ULK4: variants seen among roughly 807,000 people sequenced by gnomAD.
ULK4 encodes the protein inactive serine/threonine-protein kinase ULK4.
Under a neutral mutation model 160.6 loss-of-function variants are expected in ULK4, and 133 were observed. The observed-to-expected ratio is 0.83, with a 90% CI of 0.72 to 0.96. The LOEUF (loss-of-function observed/expected upper bound fraction) is 0.96. Ranked by LOEUF, ULK4 falls within the 40% of genes least tolerant of loss-of-function variation. The probability of loss-of-function intolerance (pLI) is 0.00; values close to 1 mark genes in which losing one functional copy is unlikely to be tolerated. For missense variants in ULK4, 1,580 were observed against 1,499.5 expected (o/e 1.05, Z -0.89); for synonymous variants, 534 against 539.8 (o/e 0.99, Z 0.15).
At chr3:41,475,202 C>G (rs181053621) in intron 32 of ULK4, among the ~76,000 whole-genome samples, 2 of 152,006 alleles carry the variant, frequency 1.3e-5, no homozygotes. Context: ...CATGGATGGA[C>G]GTGGAAAGCA....
At chr3:41,706,635 C>T (rs1278515246) in intron 25 of ULK4, among the ~76,000 whole-genome samples, 1 of 150,334 alleles carries the variant, frequency 6.7e-6, no homozygotes, top group African/African-American at 2.4e-5. Flanking sequence ...CGAGACCAGC[C>T]TGGCCAACAC....
rs200776201 is a variant in ULK4 at position 41,800,107 on chromosome 3, T to C, written c.2010+25A>G. On this transcript the variant is annotated intron_variant, in intron 20 of 36. Transcript: ENST00000301831. ...TGCTGTTTAAAGATACCCAGACATATCCCCCAAAAGATGCTTCATCTTACC... is the reference window on the plus strand; with the variant it reads ...TGCTGTTTAAAGATACCCAGACATACCCCCCAAAAGATGCTTCATCTTACC... The C allele has an allele frequency of 2.6e-6, 4 of 1,547,390 alleles. No individual in the cohort carries two copies. The East Asian group carries it at 9.3e-5, about 36-fold the overall frequency.
intron 22 of ULK4, among the ~76,000 whole-genome samples, chr3:41,741,983 G>A (rs574245551): frequency 2.4e-4 from 36 of 151,886 alleles, no homozygotes; most frequent in African/African-American, 8.0e-4. Flanking sequence ...GCTAAGAAAA[G>A]CCTATTTTCC....
chr3:41,561,856 C>T (rs1279397472), intron 32 of ULK4, among the ~76,000 whole-genome samples: 1 of 152,120 alleles, frequency 6.6e-6, no homozygotes, highest in Non-Finnish European at 1.5e-5. Flanking sequence ...GCGTCTCTGT[C>T]TCCTTCAGTT....
intron 30 of ULK4, 97 bp downstream of exon 30, chr3:41,663,510 T>C: frequency 8.8e-7 from 1 of 1,132,244 alleles, no homozygotes; most frequent in Non-Finnish European, 1.3e-6. Context: ...ACTCAAACAT[T>C]AGTCTTTTGG....
intron 25 of ULK4, among the ~76,000 whole-genome samples, chr3:41,709,482 GT>G (rs1025447840): frequency 1.4e-4 from 21 of 152,142 alleles, no homozygotes; most frequent in Admixed American, 2.0e-4. Flanking sequence ...CGCCTCCCGG[GT>G]TCAAGAGATT....
At chr3:41,252,273 G>A (rs535507575) in intron 35 of ULK4, among the ~76,000 whole-genome samples, 2 of 152,152 alleles carry the variant, frequency 1.3e-5, no homozygotes, top group Admixed American at 1.3e-4. Context: ...AATCTCAGCT[G>A]ACATGAAAAA....
At chr3:41,534,242 A>C (rs575818943) in intron 32 of ULK4, among the ~76,000 whole-genome samples, 1 of 152,274 alleles carries the variant, frequency 6.6e-6, no homozygotes, top group South Asian at 2.1e-4. Flanking sequence ...CACTCCATAA[A>C]CCAATGGAGA....
intron 32 of ULK4, among the ~76,000 whole-genome samples, chr3:41,508,675 C>T (rs2085476106): frequency 1.3e-5 from 2 of 152,122 alleles, no homozygotes; most frequent in East Asian, 1.9e-4. Context: ...TCAGTAGCAG[C>T]CCTGAGCCCA....
At chr3:41,844,269 T>A (rs1166998763) in intron 17 of ULK4, among the ~76,000 whole-genome samples, 1 of 151,404 alleles carries the variant, frequency 6.6e-6, no homozygotes, top group Non-Finnish European at 1.5e-5. Context: ...GCGGAGGGGG[T>A]GGGAGGCTCA....
chr3:41,417,926 C>A (rs1226276663), intron 34 of ULK4, among the ~76,000 whole-genome samples: 2 of 152,142 alleles, frequency 1.3e-5, no homozygotes, highest in Admixed American at 1.3e-4. Context: ...CTCTGACCTT[C>A]GTGCTGTTTT....
At chr3:41,838,633 A>C (rs955231583) in intron 17 of ULK4, among the ~76,000 whole-genome samples, 1 of 152,218 alleles carries the variant, frequency 6.6e-6, no homozygotes, top group Non-Finnish European at 1.5e-5. Context: ...AAAATTACAG[A>C]CTTAGGATCA....
At chr3:41,954,871 A>G in intron 1 of ULK4, 64 bp from the exon 2 acceptor site, 1 of 1,046,904 alleles carries the variant, frequency 9.6e-7, no homozygotes, top group Non-Finnish European at 1.4e-6. Flanking sequence ...TTAGCCTAGG[A>G]TAATTAGCCT....
chr3:41,824,367 C>G (rs1013002649), intron 18 of ULK4, among the ~76,000 whole-genome samples: 1 of 151,968 alleles, frequency 6.6e-6, no homozygotes, highest in Non-Finnish European at 1.5e-5. Flanking sequence ...CAGGGTGAGG[C>G]ATTGCCTCAC....
chr3:41,743,462 G>C (rs1044200744), intron 22 of ULK4, among the ~76,000 whole-genome samples: 2 of 151,672 alleles, frequency 1.3e-5, no homozygotes, highest in Non-Finnish European at 2.9e-5. Flanking sequence ...AATGTCTAAA[G>C]AAAGTTCTCT....
chr3:41,724,509 G>C (rs1344397009), intron 22 of ULK4, among the ~76,000 whole-genome samples: 1 of 152,098 alleles, frequency 6.6e-6, no homozygotes, highest in Non-Finnish European at 1.5e-5. Flanking sequence ...TGGATCATGA[G>C]GTCAGGAGAT....
At chr3:41,408,427 C>CAAAAAAA (rs59444673) in intron 34 of ULK4, among the ~76,000 whole-genome samples, 1 of 44,104 alleles carries the variant, frequency 2.3e-5, no homozygotes, top group Admixed American at 2.7e-4. Context: ...GACTCCATCT[C>CAAAAAAA]AAAAAAAAAA....
intron 32 of ULK4, among the ~76,000 whole-genome samples, chr3:41,499,311 TGAAGA>T (rs1006001985): frequency 6.6e-6 from 1 of 152,180 alleles, no homozygotes; most frequent in African/African-American, 2.4e-5. Flanking sequence ...TCTGTTGAAA[TGAAGA>T]GAAGAGTGCC....
At chr3:41,582,066 T>G (rs374540399) in intron 31 of ULK4, among the ~76,000 whole-genome samples, 7 of 152,300 alleles carry the variant, frequency 4.6e-5, no homozygotes, top group Admixed American at 2.6e-4. Context: ...GTAGTGCCCA[T>G]AATTCCCACG....
Sources: gnomAD v4.1 joint callset for allele counts (sites outside exome capture counted in the v4.1 genomes callset) on GRCh38, gnomAD v4.1.1 for gene constraint, MANE v1.5 for transcripts, NCBI Gene and HGNC (gene_info 2026-07-23, HGNC 2026-07-21) for gene names.